Variants in USP9X observed in about 807,000 individuals in gnomAD.
USP9X encodes ubiquitin specific peptidase 9 X-linked, also known as ubiquitin carboxyl-terminal hydrolase 9X.
A neutral mutation model predicts 190.3 loss-of-function variants in USP9X; 7 were observed. The observed-to-expected ratio is 0.04, with a 90% CI of 0.02 to 0.07. USP9X has a LOEUF of 0.07. USP9X is among the 10% of genes least tolerant of loss of function. The pLI is 1.00. For missense variants in USP9X, 1,010 were observed against 1,916.9 expected (o/e 0.53, Z 8.83); for synonymous variants, 645 against 659.5 (o/e 0.98, Z 0.34).
chrX:41,186,866 G>A (rs1450239704), intron 24 of USP9X, among the ~76,000 whole-genome samples: 5 of 103,786 alleles, frequency 4.8e-5, no homozygotes, highest in Non-Finnish European at 9.8e-5. Flanking sequence ...TCACTCTGTT[G>A]CCCAGGCTGG....
In USP9X at chrX:41,170,461, A is replaced by G. The variant is rs1464754891; in HGVS notation, c.2878-9A>G. The G allele has an allele frequency of 1.7e-6, 2 of 1,204,004 alleles. No homozygotes were observed. The highest frequency in any genetic ancestry group is 1.8e-5 in the South Asian group (1 of 55,905). On this transcript the variant is annotated splice_polypyrimidine_tract_variant and intron_variant, in intron 19 of 44. Transcript: ENST00000378308. ...TGTTTTTGATATTAACATAGTATAT[A>G]ATTTTCAGCTTATTACAGCCAAACT...
intron 1 of USP9X, among the ~76,000 whole-genome samples, chrX:41,112,057 C>T (rs1488128043): frequency 9.0e-6 from 1 of 111,347 alleles, no homozygotes; most frequent in Non-Finnish European, 1.9e-5. Context: ...GTTGGTCAGG[C>T]TGGTCTCGAA....
intron 1 of USP9X, among the ~76,000 whole-genome samples, chrX:41,086,527 G>T (rs1228431009): frequency 1.8e-5 from 2 of 112,354 alleles, no homozygotes; most frequent in Admixed American, 9.3e-5. Context: ...ACCCGGTCTG[G>T]TTCCACTTGA....
chrX:41,155,224 T>G (rs1325496055), intron 14 of USP9X, among the ~76,000 whole-genome samples: 1 of 111,777 alleles, frequency 8.9e-6, no homozygotes, highest in Non-Finnish European at 1.9e-5. Context: ...GTAAGCATGA[T>G]CAGCTGATTT....
intron 14 of USP9X, among the ~76,000 whole-genome samples, chrX:41,157,292 A>G (rs983307413): frequency 9.0e-6 from 1 of 111,660 alleles, no homozygotes; most frequent in African/African-American, 3.3e-5. Flanking sequence ...GCAAGCTGCT[A>G]GTCTCCGAAT....
intron 1 of USP9X, among the ~76,000 whole-genome samples, chrX:41,095,510 TG>T (rs1324452659): frequency 1.8e-5 from 2 of 112,271 alleles, no homozygotes; most frequent in African/African-American, 3.2e-5. Context: ...AGTTGTGCCC[TG>T]GGGGCAAAAT....
intron 26 of USP9X, among the ~76,000 whole-genome samples, chrX:41,191,737 C>T (rs1160118281): frequency 1.8e-5 from 2 of 111,887 alleles, no homozygotes; most frequent in Non-Finnish European, 3.8e-5. Context: ...GCAGTTCTTG[C>T]ACTCAAGGAA....
rs1186705897 is a variant in USP9X, at chrX:41,235,663, T to C, written c.*3139T>C. The C allele has an allele frequency of 8.9e-6, 1 of 112,722 alleles. No homozygotes were observed. The highest frequency in any genetic ancestry group is 1.9e-5 in the Non-Finnish European group (1 of 53,243). The allele number at this position is 112,722 out of a possible 1,213,427, so 9.3% of individuals were successfully genotyped here. ...TCTAAGCCCTCCACCAACTGAACTTTCATGTTTAGCATTGTAGAGGCAGAA... is the reference window on the plus strand; with the variant it reads ...TCTAAGCCCTCCACCAACTGAACTTCCATGTTTAGCATTGTAGAGGCAGAA... On this transcript the variant is annotated 3_prime_UTR_variant, in exon 45 of 45. Transcript: ENST00000378308.
chrX:41,099,102 T>G (rs1224256287), intron 1 of USP9X, among the ~76,000 whole-genome samples: 4 of 77,435 alleles, frequency 5.2e-5, no homozygotes, highest in African/African-American at 2.4e-4. Flanking sequence ...AATTGTTTTT[T>G]TTTTTTTTTT....
At chrX:41,219,993 A>C (rs936935835) in intron 38 of USP9X, among the ~76,000 whole-genome samples, 1 of 111,777 alleles carries the variant, frequency 8.9e-6, no homozygotes, top group African/African-American at 3.3e-5. Flanking sequence ...TCCAAAAAGC[A>C]AACAAACCAA....
intron 29 of USP9X, among the ~76,000 whole-genome samples, chrX:41,197,839 C>A (rs929035550): frequency 1.9e-5 from 2 of 104,693 alleles, no homozygotes; most frequent in East Asian, 6.2e-4. Flanking sequence ...GGTGAAACCC[C>A]TTCTCTACAA....
At chrX:41,115,203 A>G (rs1055851891) in intron 1 of USP9X, among the ~76,000 whole-genome samples, 1 of 99,836 alleles carries the variant, frequency 1.0e-5, no homozygotes, top group Non-Finnish European at 2.0e-5. Flanking sequence ...CCTGGGCAAC[A>G]GAGCAAGACT....
At chrX:41,220,041 G>T (rs1443445303) in intron 38 of USP9X, among the ~76,000 whole-genome samples, 1 of 111,776 alleles carries the variant, frequency 8.9e-6, no homozygotes, top group African/African-American at 3.3e-5. Flanking sequence ...ATATCCAGGC[G>T]TACCTGTCGT....
chrX:41,206,817 G>A (rs991937386), intron 32 of USP9X, among the ~76,000 whole-genome samples: 4 of 107,032 alleles, frequency 3.7e-5, no homozygotes, highest in East Asian at 2.9e-4. Context: ...TTGCTCTGTC[G>A]CCCAGGCTAG....
chrX:41,167,240 C>T (rs1423270965), intron 16 of USP9X: 4 of 246,717 alleles, frequency 1.6e-5, no homozygotes, highest in East Asian at 2.0e-4. Flanking sequence ...GTGGTCAAAG[C>T]GTATTTTATT....
At chrX:41,219,367 G>C in intron 38 of USP9X, 136 bp downstream of exon 38, 2 of 606,278 alleles carry the variant, frequency 3.3e-6, no homozygotes, top group Non-Finnish European at 4.8e-6. Context: ...AATTTTATCT[G>C]AACATGGCAC....
rs182742195 is a variant in USP9X at position 41,091,040 on chromosome X, T to C, written c.-159+4931T>C. ...GTGTGCTAGGCACTGTTCTAGAGAT[T>C]ACTGTTGTCTAGAAGCTAACATATG... On this transcript the variant is annotated intron_variant, in intron 1 of 44. Coordinates refer to ENST00000378308, the MANE Select transcript of USP9X (RefSeq NM_001039591.3). 4.4e-4 allele frequency among the ~76,000 whole-genome samples: 49 copies of C among 111,810 alleles called. No homozygotes were observed. In the East Asian group the frequency reaches 0.014, roughly 31 times the overall value.
At chrX:41,088,738 A>G (rs1005582939) in intron 1 of USP9X, among the ~76,000 whole-genome samples, 11 of 110,081 alleles carry the variant, frequency 1.0e-4, no homozygotes, top group African/African-American at 2.7e-4. Flanking sequence ...TCTTGTAGGT[A>G]TGTTTTCTGA....
At chrX:41,088,706 G>C (rs2061931099) in intron 1 of USP9X, among the ~76,000 whole-genome samples, 2 of 110,703 alleles carry the variant, frequency 1.8e-5, no homozygotes, top group African/African-American at 6.6e-5. Context: ...ACTTTTTATG[G>C]TAGCCTACAT....
Sources: gnomAD v4.1 joint callset for allele counts (sites outside exome capture counted in the v4.1 genomes callset) on GRCh38, gnomAD v4.1.1 for gene constraint, MANE v1.5 for transcripts, NCBI Gene and HGNC (gene_info 2026-07-23, HGNC 2026-07-21) for gene names.